LRRFIP2: variants seen among roughly 807,000 people sequenced by gnomAD.
The protein encoded by LRRFIP2 is LRR binding FLII interacting protein 2.
A neutral mutation model predicts 125.9 loss-of-function variants in LRRFIP2; 109 were observed. The observed-to-expected ratio is 0.87, with a 90% CI of 0.74 to 1.01. LRRFIP2 has a LOEUF of 1.01. Among genes scored for constraint, LRRFIP2 ranks in the 50% least tolerant of loss-of-function variants. The pLI, the probability that LRRFIP2 is intolerant of heterozygous loss-of-function variation, is 0.00. For synonymous variants in LRRFIP2, 291 were observed against 293.1 expected, an observed-to-expected ratio of 0.99 and a Z score of 0.07; for missense variants, 850 against 862.3, an observed-to-expected ratio of 0.99 and a Z score of 0.18.
At chr3:37,101,773 TG>T (rs1164470471) in intron 15 of LRRFIP2, among the ~76,000 whole-genome samples, 1 of 151,826 alleles carries the variant, frequency 6.6e-6, no homozygotes, top group Non-Finnish European at 1.5e-5. Context: ...CCTTGGTCCA[TG>T]GGCAAAACAA....
intron 19 of LRRFIP2, among the ~76,000 whole-genome samples, chr3:37,076,259 C>T (rs1343047616): frequency 1.3e-5 from 2 of 152,204 alleles, no homozygotes; most frequent in Non-Finnish European, 2.9e-5. Context: ...CATGGTAGCT[C>T]ATGCCTGTAA....
intron 4 of LRRFIP2, among the ~76,000 whole-genome samples, chr3:37,126,729 G>A (rs945295203): frequency 7.2e-5 from 11 of 151,752 alleles, no homozygotes; most frequent in Non-Finnish European, 1.3e-4. Flanking sequence ...CATGGTGGCG[G>A]GCGCCTGTAA....
At position 37,063,747 on chromosome 3, in the gene LRRFIP2, A is replaced by T. The variant is rs1294720307; in HGVS notation, c.1744T>A (p.Ser582Thr). ...KLAGEKEELL[S>T]QIRKLKLQLE... Reference sequence around the variant, plus strand: ...TCCAATAAGAATGCCTTTACCTGTGACAGTAGTTCTTCCTTCTCTCCAGCA... The same window carrying T: ...TCCAATAAGAATGCCTTTACCTGTGTCAGTAGTTCTTCCTTCTCTCCAGCA... The change falls in exon 24 of 28, where the codon TCA (serine) becomes ACA (threonine). Residue 582 changes from serine to threonine, a missense_variant. Physicochemically the swap from Ser to Thr is moderately conservative, Grantham distance 58. Coordinates refer to ENST00000336686, the MANE Select transcript of LRRFIP2 (RefSeq NM_006309.4). 1 of 1,610,520 alleles carries T rather than the reference A, an allele frequency of 6.2e-7. No individual in the cohort carries two copies. The highest frequency in any genetic ancestry group is 8.5e-7 in the Non-Finnish European group (1 of 1,176,940).
intron 19 of LRRFIP2, among the ~76,000 whole-genome samples, chr3:37,078,792 C>T (rs2148978304): frequency 6.6e-6 from 1 of 152,196 alleles, no homozygotes; most frequent in East Asian, 1.9e-4. Flanking sequence ...GAGACTGGGA[C>T]ATCTTCTGCC....
At chr3:37,163,991 T>C (rs375637701) in intron 1 of LRRFIP2, among the ~76,000 whole-genome samples, 70 of 152,316 alleles carry the variant, frequency 4.6e-4, no homozygotes, top group Non-Finnish European at 5.0e-4. Context: ...TATTTCTCTA[T>C]AGTTCACAAC....
At chr3:37,082,924 T>C (rs935620265) in intron 19 of LRRFIP2, among the ~76,000 whole-genome samples, 9 of 129,794 alleles carry the variant, frequency 6.9e-5, no homozygotes, top group African/African-American at 2.3e-4. Flanking sequence ...AATTATTTTC[T>C]GGATTTTTTA....
chr3:37,094,690 A>T, intron 17 of LRRFIP2, 102 bp downstream of exon 17: 1 of 736,756 alleles, frequency 1.4e-6, no homozygotes, highest in Non-Finnish European at 2.3e-6. Flanking sequence ...AAAAGAAATC[A>T]TATTCCTTCT....
intron 21 of LRRFIP2, among the ~76,000 whole-genome samples, chr3:37,069,297 C>G (rs765850553): frequency 1.3e-5 from 2 of 152,190 alleles, no homozygotes; most frequent in Non-Finnish European, 2.9e-5. Flanking sequence ...TACCCATGTT[C>G]ACAGCAGCAT....
chr3:37,097,391 T>C (rs1480978122), intron 15 of LRRFIP2, among the ~76,000 whole-genome samples: 4 of 152,194 alleles, frequency 2.6e-5, no homozygotes, highest in Non-Finnish European at 5.9e-5. Flanking sequence ...AATTACTTCA[T>C]CTTTCTTCAT....
Position 37,053,868 on chromosome 3 carries a change from G to C in LRRFIP2, c.2149C>G (p.Leu717Val), listed in dbSNP as rs777160575. 4 of 1,613,816 alleles carry C rather than the reference G, an allele frequency of 2.5e-6. No individual in the cohort carries two copies. The highest frequency in any genetic ancestry group is 3.4e-6 in the Non-Finnish European group (4 of 1,179,674). ...TGGTTTTCCTACTGCTGGGCCAGAA[G>C]TGCTGTCCTATTGGCCTTCATCTTC... Reference protein sequence around the residue: ...LEKMKANRTALLAQQ With the variant: ...LEKMKANRTAVLAQQ Residue 717 changes from leucine (L) to valine (V), a missense_variant, in exon 28 of 28, where the codon CTT becomes GTT. Leu to Val is a conservative substitution (Grantham distance 32, BLOSUM62 1). Transcript: ENST00000336686.
chr3:37,117,307 C>T (rs9861967), intron 6 of LRRFIP2, among the ~76,000 whole-genome samples: 60,852 of 151,704 alleles, frequency 0.4, 12,776 homozygotes, highest in Non-Finnish European at 0.46. Flanking sequence ...ACAAGCCAAA[C>T]TGGAAATAAC....
chr3:37,088,492 C>T (rs1287054787), intron 18 of LRRFIP2, among the ~76,000 whole-genome samples: 1 of 148,234 alleles, frequency 6.7e-6, no homozygotes, highest in Non-Finnish European at 1.5e-5. Context: ...GCCTGAGCAA[C>T]ATGGTGAGAC....
intron 2 of LRRFIP2, among the ~76,000 whole-genome samples, chr3:37,136,594 G>T (rs2095559751): frequency 6.6e-6 from 1 of 151,880 alleles, no homozygotes; most frequent in Non-Finnish European, 1.5e-5. Flanking sequence ...TAACAAGTTT[G>T]GAAAATGCTA....
intron 19 of LRRFIP2, among the ~76,000 whole-genome samples, chr3:37,075,896 C>A (rs1030254301): frequency 2.6e-5 from 4 of 151,956 alleles, no homozygotes; most frequent in Non-Finnish European, 5.9e-5. Context: ...CTTAAATATA[C>A]AAATATATTT....
chr3:37,109,814 T>A, intron 9 of LRRFIP2, 111 bp from the exon 10 acceptor site: 1 of 864,968 alleles, frequency 1.2e-6, no homozygotes, highest in Non-Finnish European at 1.8e-6. Context: ...CATAATTCAT[T>A]AGCAATTCCT....
chr3:37,155,525 T>C (rs2096161744), intron 1 of LRRFIP2, among the ~76,000 whole-genome samples: 2 of 152,244 alleles, frequency 1.3e-5, no homozygotes, highest in Admixed American at 1.3e-4. Flanking sequence ...AGGTACTTTG[T>C]ATTCAAAGTT....
At chr3:37,150,444 A>G (rs1402754732) in intron 1 of LRRFIP2, among the ~76,000 whole-genome samples, 2 of 152,228 alleles carry the variant, frequency 1.3e-5, no homozygotes. Flanking sequence ...CCTGGGCAAC[A>G]AGAGAGAAAC....
intron 4 of LRRFIP2, among the ~76,000 whole-genome samples, chr3:37,121,905 T>C (rs2095065191): frequency 1.3e-5 from 2 of 150,898 alleles, no homozygotes; most frequent in Admixed American, 1.3e-4. Context: ...AATATAGCAG[T>C]ACTAGTTTTC....
intron 4 of LRRFIP2, among the ~76,000 whole-genome samples, chr3:37,126,465 C>T (rs1355420228): frequency 6.6e-6 from 1 of 152,116 alleles, no homozygotes; most frequent in Non-Finnish European, 1.5e-5. Flanking sequence ...GGATTAGTCA[C>T]TACCTGAATT....
Sources: gnomAD v4.1 joint callset for allele counts (sites outside exome capture counted in the v4.1 genomes callset) on GRCh38, gnomAD v4.1.1 for gene constraint, MANE v1.5 for transcripts, NCBI Gene and HGNC (gene_info 2026-07-23, HGNC 2026-07-21) for gene names.